Variants in IKZF3 observed in about 807,000 individuals in gnomAD.
IKZF3 encodes the protein zinc finger protein Aiolos.
IKZF3 carries 10 observed loss-of-function variants against 49.0 expected under a neutral mutation model. The observed-to-expected ratio is 0.20, with a 90% CI of 0.13 to 0.35. The LOEUF is 0.35. Ranked by LOEUF, IKZF3 falls within the 10% of genes least tolerant of loss-of-function variation. The pLI, the probability that IKZF3 is intolerant of heterozygous loss-of-function variation, is 1.00. For synonymous variants in IKZF3, 209 were observed against 228.2 expected (o/e 0.92, Z 0.76); for missense variants, 498 against 664.8 (o/e 0.75, Z 2.76).
chr17:39,857,146 C>T (rs2063084005), intron 1 of IKZF3, among the ~76,000 whole-genome samples: 1 of 152,122 alleles, frequency 6.6e-6, no homozygotes, highest in Admixed American at 6.6e-5. Context: ...AGGTAGATGA[C>T]AGCAAAAATG....
intron 1 of IKZF3, 113 bp from the exon 2 acceptor site, chr17:39,832,264 CT>C: frequency 1.5e-6 from 1 of 677,992 alleles, no homozygotes. Flanking sequence ...CAGAATTCCT[CT>C]TTCAGAGCAA....
At chr17:39,831,131 C>T (rs2062096355) in intron 2 of IKZF3, among the ~76,000 whole-genome samples, 2 of 152,128 alleles carry the variant, frequency 1.3e-5, no homozygotes, top group Non-Finnish European at 2.9e-5. Flanking sequence ...CCTGTAATCC[C>T]AGCACTTTGG....
At chr17:39,780,668 T>C (rs983578040) in intron 6 of IKZF3, among the ~76,000 whole-genome samples, 4 of 143,016 alleles carry the variant, frequency 2.8e-5, no homozygotes, top group African/African-American at 1.1e-4. Context: ...AAAGCTCAGC[T>C]TTTTTTTTTT....
In IKZF3 at chr17:39,761,628, G is replaced by A. The variant is rs2060186605; in HGVS notation, c.*4162C>T. The A allele has an allele frequency of 6.6e-6, 1 of 152,204 alleles. No homozygotes were observed. The highest frequency in any genetic ancestry group is 1.9e-4 in the East Asian group (1 of 5,188). 9.4% of individuals were successfully genotyped at this position (152,204 alleles called of 1,614,324 possible). On this transcript the variant is annotated 3_prime_UTR_variant, in exon 8 of 8. Transcript: ENST00000346872. ...AAATTAAAAAACACCTGGAGCACTG[G>A]TTCTGTTTCTTTTCCACCCTCAGCC...
intron 3 of IKZF3, among the ~76,000 whole-genome samples, chr17:39,812,750 C>T (rs775777093): frequency 6.6e-5 from 10 of 152,138 alleles, no homozygotes; most frequent in Admixed American, 4.6e-4. Flanking sequence ...GTGTTTCATG[C>T]GTTCTCTTAA....
rs1035370791 is a variant in IKZF3 at position 39,763,166 on chromosome 17, C to T, written c.*2624G>A. On this transcript the variant is annotated 3_prime_UTR_variant, in exon 8 of 8. Transcript: ENST00000346872. ...ACTACACACCAAAATACATCCATTC[C>T]TTTAGCTGAAGTCTCAAACATGTTG... The T allele has an allele frequency of 1.3e-5, 2 of 152,216 alleles. No individual in the cohort carries two copies. The highest frequency in any genetic ancestry group is 2.9e-5 in the Non-Finnish European group (2 of 68,036). 9.4% of individuals were successfully genotyped at this position (152,216 alleles called of 1,614,324 possible).
intron 1 of IKZF3, among the ~76,000 whole-genome samples, chr17:39,850,950 ATACACGTATAT>A: frequency 7.1e-6 from 1 of 140,352 alleles, no homozygotes; most frequent in African/African-American, 2.6e-5. Flanking sequence ...TATATATTAT[ATACACGTATAT>A]TATATACGTG....
chr17:39,802,499 T>C (rs1050354555), intron 3 of IKZF3, among the ~76,000 whole-genome samples: 11 of 150,026 alleles, frequency 7.3e-5, no homozygotes, highest in African/African-American at 2.5e-4. Flanking sequence ...CCCAGCTACA[T>C]AGGAGGCTAA....
intron 1 of IKZF3, chr17:39,835,618 C>T (rs566537648): frequency 1.4e-4 from 63 of 438,160 alleles, no homozygotes; most frequent in Non-Finnish European, 2.5e-4. Flanking sequence ...TGGGCCTCGA[C>T]CTCAGCAATG....
At chr17:39,837,468 G>A (rs1426750545) in intron 1 of IKZF3, among the ~76,000 whole-genome samples, 5 of 148,602 alleles carry the variant, frequency 3.4e-5, no homozygotes. Context: ...TTTAGAGACA[G>A]GGTCTTGCTT....
rs1262188233 is a variant in IKZF3 at position 39,847,107 on chromosome 17, GATT to G, written c.8-14959_8-14957del. 3.3e-5 allele frequency among the ~76,000 whole-genome samples: 5 copies of G among 152,162 alleles called. No homozygotes were observed. The East Asian group carries it at 9.6e-4, about 29-fold the overall frequency. ...TAAAAGTTTTAGAAATTGAGGCACT[GATT>G]ATAAGAATGTTTTCAGAATTGCAAC... On this transcript the variant is annotated intron_variant, in intron 1 of 7. Coordinates refer to ENST00000346872, the MANE Select transcript of IKZF3 (RefSeq NM_012481.5).
At chr17:39,846,288 A>G (rs1045918792) in intron 1 of IKZF3, among the ~76,000 whole-genome samples, 1 of 152,194 alleles carries the variant, frequency 6.6e-6, no homozygotes, top group Admixed American at 6.5e-5. Context: ...AGTGTTCCAC[A>G]GCACTCTCCC....
At chr17:39,832,369 A>G (rs2062134551) in intron 1 of IKZF3, among the ~76,000 whole-genome samples, 1 of 152,120 alleles carries the variant, frequency 6.6e-6, no homozygotes, top group Admixed American at 6.5e-5. Flanking sequence ...ACTTTCTGCC[A>G]GAGATCTACT....
rs2062979280 is a variant in IKZF3, at chr17:39,854,438, C to T, written c.7+9682G>A. On this transcript the variant is annotated intron_variant, in intron 1 of 7. Coordinates refer to ENST00000346872, the MANE Select transcript of IKZF3 (RefSeq NM_012481.5). ...CTCTAAACTAAACAAAAAAAATCAT[C>T]CTCTCTCAATGTAGGTGGTAATTCC... Among the ~76,000 whole-genome samples, 2 of 152,068 alleles carry T rather than the reference C, an allele frequency of 1.3e-5. 1 individual carries two copies. The highest frequency in any genetic ancestry group is 4.1e-4 in the South Asian group (2 of 4,830).
At chr17:39,826,799 T>C (rs989855042) in intron 3 of IKZF3, among the ~76,000 whole-genome samples, 7 of 152,150 alleles carry the variant, frequency 4.6e-5, no homozygotes, top group African/African-American at 1.4e-4. Context: ...CTGCAGAAGA[T>C]GGGCTGAATT....
chr17:39,777,500 CAGAA>C, intron 7 of IKZF3, 147 bp downstream of exon 7: 1 of 561,656 alleles, frequency 1.8e-6, no homozygotes, highest in Non-Finnish European at 3.1e-6. Context: ...CCAGAGCTAT[CAGAA>C]TGAACCATGA....
intron 6 of IKZF3, among the ~76,000 whole-genome samples, chr17:39,783,378 G>T (rs2060793677): frequency 6.6e-6 from 1 of 152,142 alleles, no homozygotes. Context: ...CTGGAGTGCA[G>T]TGGCATGATC....
intron 6 of IKZF3, among the ~76,000 whole-genome samples, chr17:39,778,758 G>A (rs1382636537): frequency 6.6e-6 from 1 of 152,210 alleles, no homozygotes; most frequent in Non-Finnish European, 1.5e-5. Context: ...CCGAGATGGC[G>A]CCATTGCACT....
chr17:39,792,660 GC>G lies in IKZF3; in HGVS notation c.424+12del. Reference sequence around the variant, plus strand: ...GAGAGTTTTCAGAAGAATGAAAAAAGCAGACTATTTACCAGTATGGCTTCGC... The same window carrying G: ...GAGAGTTTTCAGAAGAATGAAAAAAGAGACTATTTACCAGTATGGCTTCGC... On this transcript the variant is annotated intron_variant, in intron 4 of 7. Coordinates refer to ENST00000346872, the MANE Select transcript of IKZF3 (RefSeq NM_012481.5). 2 of 1,602,472 alleles carry G rather than the reference GC, an allele frequency of 1.2e-6. No individual in the cohort carries two copies.
Sources: allele counts gnomAD v4.1 joint callset (sites outside exome capture counted in the v4.1 genomes callset), GRCh38; gene constraint gnomAD v4.1.1; transcripts MANE v1.5; gene names NCBI Gene and HGNC (gene_info 2026-07-23, HGNC 2026-07-21).